Variants in AR observed in about 807,000 individuals in gnomAD.
The protein encoded by AR is androgen receptor.
AR carries 8 observed loss-of-function variants against 53.9 expected under a neutral mutation model. That is an observed-to-expected ratio of 0.15 (90% CI 0.09 to 0.27). The LOEUF (loss-of-function observed/expected upper bound fraction) is 0.27, where lower values mean the gene tolerates loss of function less well. Ranked by LOEUF, AR falls within the 10% of genes least tolerant of loss-of-function variation. AR has a pLI of 1.00. For missense variants in AR, 639 were observed against 742.5 expected (o/e 0.86, Z 1.62); for synonymous variants, 359 against 316.4 (o/e 1.13, Z -1.43).
intron 1 of AR, among the ~76,000 whole-genome samples, chrX:67,642,487 A>G (rs749677813): frequency 3.6e-5 from 4 of 111,446 alleles, no homozygotes; most frequent in Admixed American, 1.9e-4. Context: ...TCCAGTGGCC[A>G]AGTATTTTGA....
intron 1 of AR, among the ~76,000 whole-genome samples, chrX:67,636,486 C>T (rs767280407): frequency 2.7e-5 from 3 of 111,636 alleles, no homozygotes; most frequent in Non-Finnish European, 3.8e-5. Context: ...ATGTGTAGCT[C>T]GATTCCATTC....
Position 67,631,294 on chromosome X carries a change from G to C in AR, c.1617-11962G>C, listed in dbSNP as rs1457275468. Among the ~76,000 whole-genome samples, 3 of 111,084 alleles carry C rather than the reference G, an allele frequency of 2.7e-5. No homozygotes were observed. The Admixed American group carries it at 2.9e-4, about 11-fold the overall frequency. The stretch of plus-strand genomic sequence containing the variant: ...AGGTACACCAATCAGACATAGATTT[G>C]GTCTTTTCCCATAGTCCCATATTTC... On this transcript the variant is annotated intron_variant, in intron 1 of 7. Coordinates refer to ENST00000374690, the MANE Select transcript of AR (RefSeq NM_000044.6).
intron 2 of AR, among the ~76,000 whole-genome samples, chrX:67,661,863 T>G (rs1926939331): frequency 8.9e-6 from 1 of 111,782 alleles, no homozygotes; most frequent in Non-Finnish European, 1.9e-5. Flanking sequence ...TATCCTCAAT[T>G]TCAGAGCCTG....
chrX:67,635,590 G>A (rs1201608882), intron 1 of AR, among the ~76,000 whole-genome samples: 1 of 111,026 alleles, frequency 9.0e-6, no homozygotes, highest in East Asian at 2.8e-4. Context: ...CAGGGAGAGA[G>A]AGAGAGAGAG....
intron 1 of AR, among the ~76,000 whole-genome samples, chrX:67,565,137 A>C (rs182597872): frequency 8.9e-6 from 1 of 111,816 alleles, no homozygotes; most frequent in Non-Finnish European, 1.9e-5. Flanking sequence ...TCTCCTTGCC[A>C]TCAAAACCAT....
chrX:67,576,274 A>G (rs751158035), intron 1 of AR, among the ~76,000 whole-genome samples: 1 of 110,871 alleles, frequency 9.0e-6, no homozygotes, highest in Non-Finnish European at 1.9e-5. Flanking sequence ...CAGTGGTACT[A>G]CTGTAAATTT....
intron 1 of AR, among the ~76,000 whole-genome samples, chrX:67,613,055 C>T (rs1387631540): frequency 8.9e-6 from 1 of 112,142 alleles, no homozygotes; most frequent in Non-Finnish European, 1.9e-5. Flanking sequence ...AGGGCTTTGC[C>T]CCAGGGATGG....
At chrX:67,691,557 A>G (rs891371090) in intron 3 of AR, among the ~76,000 whole-genome samples, 1 of 111,638 alleles carries the variant, frequency 9.0e-6, no homozygotes, top group Non-Finnish European at 1.9e-5. Context: ...GACCTCATTT[A>G]TTCACATAAC....
chrX:67,604,492 CTGTT>C (rs1009542839), intron 1 of AR, among the ~76,000 whole-genome samples: 7 of 110,923 alleles, frequency 6.3e-5, no homozygotes, highest in African/African-American at 1.6e-4. Context: ...TGCCAACTGT[CTGTT>C]TGTCACTTTC....
chrX:67,640,611 GT>G (rs1925703301), intron 1 of AR, among the ~76,000 whole-genome samples: 1 of 111,422 alleles, frequency 9.0e-6, no homozygotes, highest in Admixed American at 9.5e-5. Context: ...CCCCAGAGGT[GT>G]TTATAGTATT....
At chrX:67,688,302 G>A (rs1470447403) in intron 3 of AR, among the ~76,000 whole-genome samples, 1 of 111,575 alleles carries the variant, frequency 9.0e-6, no homozygotes, top group South Asian at 3.8e-4. Context: ...TAAAGGCTCA[G>A]CTCCTTTATT....
intron 2 of AR, among the ~76,000 whole-genome samples, chrX:67,667,510 G>C (rs907281326): frequency 9.0e-6 from 1 of 111,219 alleles, no homozygotes; most frequent in African/African-American, 3.3e-5. Flanking sequence ...GTTTTGCTCT[G>C]TTCTTTTTCC....
At chrX:67,565,868 T>C (rs1921535783) in intron 1 of AR, among the ~76,000 whole-genome samples, 2 of 111,552 alleles carry the variant, frequency 1.8e-5, no homozygotes, top group African/African-American at 3.3e-5. Flanking sequence ...AATTTTTGTA[T>C]TTTTAGTAGA....
In AR at chrX:67,726,165, C is replaced by G. The variant is rs1045542026; in HGVS notation, c.*2324C>G. 1 of 174,065 alleles carries G rather than the reference C, an allele frequency of 5.7e-6. No homozygotes were observed. Among genetic ancestry groups the G allele is most frequent in the African/African-American group, 3.0e-5 (1 of 33,886 alleles). The allele number at this position is 174,065 out of a possible 1,213,427, so 14.3% of individuals were successfully genotyped here. A position where few individuals can be genotyped will look rare whatever the true frequency, so the allele number is the denominator to read the frequency against. ...CTTTAAATAACAAGGGAGAGGGGAA[C>G]CTAAGATGAGTAATATGCCAATCCA... is the stretch of plus-strand genomic sequence containing the variant. On this transcript the variant is annotated 3_prime_UTR_variant, in exon 8 of 8. Transcript: ENST00000374690.
intron 2 of AR, among the ~76,000 whole-genome samples, chrX:67,669,024 A>G (rs1927408611): frequency 9.0e-6 from 1 of 110,530 alleles, no homozygotes; most frequent in South Asian, 3.7e-4. Context: ...GATCTTTTGT[A>G]TTATTTTTTC....
chrX:67,634,530 A>C (rs1023108241), intron 1 of AR, among the ~76,000 whole-genome samples: 2 of 112,127 alleles, frequency 1.8e-5, no homozygotes, highest in Non-Finnish European at 3.8e-5. Context: ...CATGAAAACT[A>C]GATCTTCTAC....
intron 2 of AR, among the ~76,000 whole-genome samples, chrX:67,649,257 C>A (rs1926213808): frequency 8.9e-6 from 1 of 112,421 alleles, no homozygotes; most frequent in Non-Finnish European, 1.9e-5. Flanking sequence ...GCCACATTTT[C>A]TTTATCCAGT....
intron 1 of AR, among the ~76,000 whole-genome samples, chrX:67,625,626 A>G (rs1464771402): frequency 9.0e-6 from 1 of 111,728 alleles, no homozygotes; most frequent in Admixed American, 9.6e-5. Context: ...TTGACTTTCA[A>G]AAGTGTTGCT....
At chrX:67,566,366 C>T (rs112795242) in intron 1 of AR, among the ~76,000 whole-genome samples, 1,278 of 111,729 alleles carry the variant, frequency 0.011, 17 homozygotes, top group African/African-American at 0.04. Flanking sequence ...ACTTGTGAAA[C>T]GCCATTAGCA....
Sources: allele counts gnomAD v4.1 joint callset (sites outside exome capture counted in the v4.1 genomes callset), GRCh38; gene constraint gnomAD v4.1.1; transcripts MANE v1.5; gene names NCBI Gene and HGNC (gene_info 2026-07-23, HGNC 2026-07-21).